The following CCDC102B variants were observed in gnomAD, a reference collection of about 807,000 sequenced individuals.
CCDC102B encodes the protein coiled-coil domain containing 102B.
CCDC102B carries 75 observed loss-of-function variants against 57.4 expected under a neutral mutation model. The ratio of observed to expected loss-of-function variants is 1.31; its 90% confidence interval spans 1.08 to 1.58. CCDC102B has a LOEUF of 1.58. Among genes scored for constraint, CCDC102B ranks in the 40% most tolerant of loss-of-function variants. The probability of loss-of-function intolerance (pLI) is 0.00; values close to 1 mark genes in which losing one functional copy is unlikely to be tolerated. For synonymous variants in CCDC102B, 206 were observed against 201.9 expected (o/e 1.02, Z -0.17); for missense variants, 636 against 582.6 (o/e 1.09, Z -0.94).
chr18:68,838,631 T>G, intron 2 of CCDC102B, 75 bp from the exon 3 acceptor site: 1 of 1,546,036 alleles, frequency 6.5e-7, no homozygotes, highest in East Asian at 2.3e-5. Context: ...AACATTTATT[T>G]CTTTATGAAA....
At chr18:68,906,323 T>TTTGGGGTATATATCTAGGTGTAGAG (rs2040641629) in intron 6 of CCDC102B, among the ~76,000 whole-genome samples, 2 of 152,208 alleles carry the variant, frequency 1.3e-5, no homozygotes, top group Admixed American at 1.3e-4. Flanking sequence ...TTTTCAGTTA[T>TTTGGGGTATATATCTAGGTGTAGAG]TTGGGGTATA....
At chr18:68,791,630 G>A (rs756279435) in intron 2 of CCDC102B, among the ~76,000 whole-genome samples, 1 of 68,038 alleles carries the variant, frequency 1.5e-5, no homozygotes, top group Non-Finnish European at 4.0e-5. Flanking sequence ...GTGTATGTGT[G>A]TGTGTGTGTA....
chr18:69,006,573 C>A (rs1471530576), intron 6 of CCDC102B, among the ~76,000 whole-genome samples: 1 of 149,970 alleles, frequency 6.7e-6, no homozygotes, highest in Non-Finnish European at 1.5e-5. Context: ...AGGCACATGC[C>A]ACCACACAGG....
intron 7 of CCDC102B, among the ~76,000 whole-genome samples, chr18:69,035,513 A>G (rs868116283): frequency 6.6e-6 from 1 of 152,090 alleles, no homozygotes; most frequent in Admixed American, 6.6e-5. Flanking sequence ...TAGGCAGTAA[A>G]AAGATGTGAT....
chr18:68,932,069 T>C (rs2041692577), intron 6 of CCDC102B, among the ~76,000 whole-genome samples: 1 of 151,932 alleles, frequency 6.6e-6, no homozygotes, highest in Non-Finnish European at 1.5e-5. Flanking sequence ...TATGAATCTC[T>C]TTTCTTCTAA....
At chr18:68,728,053 A>G (rs911084040) in intron 2 of CCDC102B, among the ~76,000 whole-genome samples, 1 of 152,204 alleles carries the variant, frequency 6.6e-6, no homozygotes, top group African/African-American at 2.4e-5. Context: ...ATTGGAATCA[A>G]CAAGTTGATG....
At chr18:68,715,924 G>C (rs1273456316) in intron 1 of CCDC102B, among the ~76,000 whole-genome samples, 1 of 152,108 alleles carries the variant, frequency 6.6e-6, no homozygotes, top group Non-Finnish European at 1.5e-5. Context: ...TATGATGTCA[G>C]CCGGTTCACC....
At chr18:68,810,796 G>A (rs923432756) in intron 1 of CCDC102B, among the ~76,000 whole-genome samples, 1 of 143,298 alleles carries the variant, frequency 7.0e-6, no homozygotes, top group South Asian at 2.3e-4. Context: ...ACCCATCAAT[G>A]CATCTTCTAC....
intron 5 of CCDC102B, among the ~76,000 whole-genome samples, chr18:68,887,001 T>G (rs2144979160): frequency 6.6e-6 from 1 of 152,294 alleles, no homozygotes; most frequent in East Asian, 1.9e-4. Flanking sequence ...CACTGCTTTT[T>G]TAGCTTCTAG....
chr18:68,789,324 C>T (rs1391020971), intron 2 of CCDC102B, among the ~76,000 whole-genome samples: 3 of 151,934 alleles, frequency 2.0e-5, no homozygotes, highest in Non-Finnish European at 4.4e-5. Flanking sequence ...TTGCTCTTCT[C>T]GAGGAGTATC....
intron 5 of CCDC102B, among the ~76,000 whole-genome samples, chr18:68,896,121 T>G (rs1042205745): frequency 2.6e-5 from 4 of 151,986 alleles, no homozygotes; most frequent in African/African-American, 4.8e-5. Context: ...GAAGTCACAT[T>G]AGAATGCATA....
At chr18:68,782,801 T>C (rs1211997042) in intron 2 of CCDC102B, among the ~76,000 whole-genome samples, 1 of 152,226 alleles carries the variant, frequency 6.6e-6, no homozygotes, top group African/African-American at 2.4e-5. Context: ...TGTTTCATAA[T>C]ACAGTAAAAA....
chr18:68,897,467 C>A (rs746212342), intron 6 of CCDC102B, 39 bp downstream of exon 6: 2 of 1,597,654 alleles, frequency 1.3e-6, no homozygotes, highest in South Asian at 2.2e-5. Context: ...ACTGTCTAAT[C>A]TCACTCTGAT....
At chr18:68,808,418 A>T (rs1475241729) in intron 1 of CCDC102B, among the ~76,000 whole-genome samples, 2 of 151,346 alleles carry the variant, frequency 1.3e-5, no homozygotes, top group Non-Finnish European at 2.9e-5. Flanking sequence ...GCATAATAAA[A>T]TAACATTTGG....
chr18:68,863,191 T>C (rs969717418), intron 4 of CCDC102B, among the ~76,000 whole-genome samples: 1 of 151,460 alleles, frequency 6.6e-6, no homozygotes, highest in Non-Finnish European at 1.5e-5. Context: ...TATATATATA[T>C]ATTTATATCT....
intron 6 of CCDC102B, among the ~76,000 whole-genome samples, chr18:69,005,183 A>T (rs1477025351): frequency 6.6e-6 from 1 of 152,146 alleles, no homozygotes; most frequent in Non-Finnish European, 1.5e-5. Flanking sequence ...TAACAATCCA[A>T]TGTATCTGAG....
In CCDC102B at chr18:68,715,285, C is replaced by T. The variant is rs1301146831; in HGVS notation, c.-210C>T. The T allele has an allele frequency of 7.1e-6, 9 of 1,259,308 alleles. No homozygotes were observed. In the East Asian group the frequency reaches 2.4e-4, roughly 34 times the overall value. The allele number at this position is 1,259,308 out of a possible 1,614,324, so 78.0% of individuals were successfully genotyped here. A position where few individuals can be genotyped will look rare whatever the true frequency, so the allele number is the denominator to read the frequency against. On this transcript the variant is annotated 5_prime_UTR_variant, in exon 1 of 4. Coordinates refer to the CCDC102B transcript ENST00000578970. ...GTGGGAACCCTGCTTAAGGGCTTTA[C>T]TAGGGAAAACGGTGCTGGTTCACTG...
chr18:68,896,898 A>T (rs879466795), intron 5 of CCDC102B, among the ~76,000 whole-genome samples: 1 of 152,008 alleles, frequency 6.6e-6, no homozygotes, highest in Non-Finnish European at 1.5e-5. Context: ...TCCACTGAGA[A>T]TGTTTATCAG....
intron 6 of CCDC102B, among the ~76,000 whole-genome samples, chr18:68,967,379 A>C (rs909824091): frequency 6.6e-6 from 1 of 152,202 alleles, no homozygotes; most frequent in African/African-American, 2.4e-5. Flanking sequence ...AGGATTTTTG[A>C]AAGTATTTTT....
Sources: gnomAD v4.1 joint callset for allele counts (sites outside exome capture counted in the v4.1 genomes callset) on GRCh38, gnomAD v4.1.1 for gene constraint, MANE v1.5 for transcripts, NCBI Gene and HGNC (gene_info 2026-07-23, HGNC 2026-07-21) for gene names.